The following PSD3 variants were observed in gnomAD, a reference collection of about 807,000 sequenced individuals.
PSD3 encodes PH and SEC7 domain-containing protein 3.
In PSD3, 49 loss-of-function variants were observed where a neutral mutation model predicts 105.5. The observed-to-expected ratio is 0.46, with a 90% CI of 0.37 to 0.59. The LOEUF is 0.59. Among genes scored for constraint, PSD3 ranks in the 20% least tolerant of loss-of-function variants. The pLI is 0.00. For synonymous variants in PSD3, 557 were observed against 457.8 expected (o/e 1.22, Z -2.77); for missense variants, 1,561 against 1,263.8 (o/e 1.24, Z -3.57).
rs574554677 is a variant in PSD3, at chr8:18,823,998, C to T, written c.1635-19100G>A. On this transcript the variant is annotated intron_variant, in intron 4 of 15. Transcript: ENST00000327040. ...AGTTCGAGACCAGCCTGGACAACAC[C>T]GTGAGACCTTGCCTAAATAAAACAA... Among the ~76,000 whole-genome samples the T allele has an allele frequency of 2.0e-4, 30 of 152,060 alleles. No homozygotes were observed. The South Asian group carries it at 2.7e-3, about 14-fold the overall frequency.
intron 2 of PSD3, among the ~76,000 whole-genome samples, chr8:18,894,572 G>C (rs988259760): frequency 4.6e-5 from 7 of 151,878 alleles, no homozygotes; most frequent in African/African-American, 1.7e-4. Flanking sequence ...ATCTGAGGCA[G>C]GAGTCTAAAC....
At chr8:18,730,132 T>C (rs1803628824) in intron 9 of PSD3, 1 of 152,340 alleles carries the variant, frequency 6.6e-6, no homozygotes, top group Non-Finnish European at 1.5e-5. Flanking sequence ...TGCTGTGTTT[T>C]TCCCAAGGCA....
At chr8:19,019,992 C>T (rs544331723) in intron 1 of PSD3, among the ~76,000 whole-genome samples, 1 of 152,232 alleles carries the variant, frequency 6.6e-6, no homozygotes, top group South Asian at 2.1e-4. Flanking sequence ...GCTCACCTTT[C>T]CCCCAAGACC....
Position 18,936,010 on chromosome 8 carries a change from A to T in PSD3, c.130+24T>A, listed in dbSNP as rs768357644. ...CAGCTCTTCATATAGTTTACCTGGG[A>T]GAGGGATATGAGGAAATACTTACTA... On this transcript the variant is annotated intron_variant, in intron 2 of 15. Transcript: ENST00000327040. 7 of 1,430,652 alleles carry T rather than the reference A, an allele frequency of 4.9e-6. No homozygotes were observed. In the South Asian group the frequency reaches 8.1e-5, roughly 17 times the overall value. 88.6% of individuals were successfully genotyped at this position (1,430,652 alleles called of 1,614,324 possible).
chr8:18,838,719 G>A (rs368884848), intron 4 of PSD3, among the ~76,000 whole-genome samples: 1 of 151,248 alleles, frequency 6.6e-6, no homozygotes, highest in East Asian at 2.0e-4. Context: ...GGAGAATGGC[G>A]TGAACCCGGG....
At chr8:18,865,268 ATATATATATATATATATATTT>A (rs1563360465) in intron 4 of PSD3, 12 of 2,652 alleles carry the variant, frequency 4.5e-3, no homozygotes, top group African/African-American at 0.014. Flanking sequence ...ATATATATAT[ATATATATATATATATATATTT>A]TTTTTTTTTT....
At chr8:18,574,401 A>G (rs1802348425) in intron 13 of PSD3, among the ~76,000 whole-genome samples, 1 of 152,162 alleles carries the variant, frequency 6.6e-6, no homozygotes, top group Non-Finnish European at 1.5e-5. Flanking sequence ...ATAATTTGAA[A>G]GTTTCTTTAT....
intron 11 of PSD3, among the ~76,000 whole-genome samples, chr8:18,627,251 A>C (rs1806550613): frequency 6.6e-6 from 1 of 152,000 alleles, no homozygotes; most frequent in African/African-American, 2.4e-5. Flanking sequence ...AGGAGGTAAG[A>C]AAGGAGTTTA....
intron 1 of PSD3, among the ~76,000 whole-genome samples, chr8:19,027,021 A>G (rs1198499564): frequency 6.6e-6 from 1 of 152,202 alleles, no homozygotes; most frequent in African/African-American, 2.4e-5. Context: ...CTAAAGAGAG[A>G]AATGTTGTAA....
At chr8:18,985,381 G>A (rs75552395) in intron 1 of PSD3, among the ~76,000 whole-genome samples, 15,024 of 152,032 alleles carry the variant, frequency 0.099, 932 homozygotes, top group Non-Finnish European at 0.13. Flanking sequence ...GAATATCTGG[G>A]GCCCTAAATT....
chr8:18,962,961 T>C (rs1187257285), intron 1 of PSD3, among the ~76,000 whole-genome samples: 2 of 152,162 alleles, frequency 1.3e-5, no homozygotes, highest in Admixed American at 6.6e-5. Context: ...TATTAGTCCG[T>C]TTTCACGCTG....
At chr8:18,537,375 C>A (rs1799901515) in intron 15 of PSD3, among the ~76,000 whole-genome samples, 1 of 152,182 alleles carries the variant, frequency 6.6e-6, no homozygotes, top group African/African-American at 2.4e-5. Flanking sequence ...TATATTACCT[C>A]CATTGATATG....
chr8:18,801,852 A>T (rs1214672326), intron 6 of PSD3, among the ~76,000 whole-genome samples: 3 of 152,140 alleles, frequency 2.0e-5, no homozygotes, highest in African/African-American at 7.2e-5. Flanking sequence ...ATGTCCACTT[A>T]AAAGATGACA....
intron 1 of PSD3, 79 bp downstream of exon 1, chr8:19,013,484 G>T: frequency 1.3e-6 from 2 of 1,569,164 alleles, no homozygotes; most frequent in South Asian, 1.1e-5. Flanking sequence ...ACAGAGCGGC[G>T]ACAAAGCAAC....
chr8:18,928,745 CTTCCTTCCTTGTTTCTTTCTTTGT>C (rs1821546686), intron 2 of PSD3, among the ~76,000 whole-genome samples: 1 of 142,638 alleles, frequency 7.0e-6, no homozygotes, highest in Non-Finnish European at 1.5e-5. Flanking sequence ...TCTTTCTTTC[CTTCCTTCCTTGTTTCTTTCTTTGT>C]TTCCTTCCTT....
intron 11 of PSD3, among the ~76,000 whole-genome samples, chr8:18,614,900 T>C (rs1470706731): frequency 1.3e-5 from 2 of 151,820 alleles, no homozygotes; most frequent in African/African-American, 2.4e-5. Context: ...CCTCCCTAAG[T>C]GTTGAAATTA....
intron 8 of PSD3, among the ~76,000 whole-genome samples, chr8:18,788,333 A>G (rs1313729944): frequency 6.6e-6 from 1 of 152,354 alleles, no homozygotes; most frequent in South Asian, 2.1e-4. Flanking sequence ...GGAGAATTTC[A>G]TTCATATCAG....
At chr8:18,587,328 A>C (rs1239132248) in intron 12 of PSD3, among the ~76,000 whole-genome samples, 2 of 152,132 alleles carry the variant, frequency 1.3e-5, no homozygotes, top group East Asian at 3.9e-4. Context: ...AAATTCCTTG[A>C]GGGAAGAAAA....
At chr8:18,892,890 G>A (rs191786306) in intron 2 of PSD3, among the ~76,000 whole-genome samples, 432 of 152,256 alleles carry the variant, frequency 2.8e-3, no homozygotes, top group Non-Finnish European at 4.4e-3. Context: ...CTCCCACAGT[G>A]CTGGGATTAC....
Sources: gnomAD v4.1 joint callset for allele counts (sites outside exome capture counted in the v4.1 genomes callset) on GRCh38, gnomAD v4.1.1 for gene constraint, MANE v1.5 for transcripts, NCBI Gene and HGNC (gene_info 2026-07-23, HGNC 2026-07-21) for gene names.